DSPP: variants seen among roughly 807,000 people sequenced by gnomAD.
DSPP encodes dentin sialophosphoprotein, also known as deafness, autosomal dominant 39.
A neutral mutation model predicts 29.1 loss-of-function variants in DSPP; 28 were observed. That is an observed-to-expected ratio of 0.96 (90% CI 0.71 to 1.32). The LOEUF (loss-of-function observed/expected upper bound fraction) is 1.32. DSPP is among the 40% of genes most tolerant of loss of function. DSPP has a pLI of 0.00. For synonymous variants in DSPP, 481 were observed against 503.4 expected (o/e 0.96, Z 0.60); for missense variants, 1,281 against 1,629.9 (o/e 0.79, Z 3.69).
chr4:87,609,138 A>C (rs570232068), intron 1 of DSPP, among the ~76,000 whole-genome samples: 26 of 152,302 alleles, frequency 1.7e-4, no homozygotes, highest in African/African-American at 6.3e-4. Context: ...AGCTTCACAA[A>C]TTCTGAAGTC....
In DSPP at chr4:87,610,898, T is replaced by C. The variant is rs749040560; in HGVS notation, c.-11T>C. 1 of 1,609,938 alleles carries C rather than the reference T, an allele frequency of 6.2e-7. No homozygotes were observed. The highest frequency in any genetic ancestry group is 8.5e-7 in the Non-Finnish European group (1 of 1,176,338). On this transcript the variant is annotated 5_prime_UTR_variant, in exon 2 of 5. Coordinates refer to ENST00000651931, the MANE Select transcript of DSPP (RefSeq NM_014208.3). ...TTATACAGCCATTGATTATTATTAT[T>C]CCTAAAGAAAATGAAGATAATTACA... is the stretch of plus-strand genomic sequence containing the variant.
In DSPP at chr4:87,614,223, A is replaced by G. The variant is rs768993715; in HGVS notation, c.1561A>G (p.Thr521Ala). 149 of 1,614,162 alleles carry G rather than the reference A, an allele frequency of 9.2e-5. 1 individual carries two copies. The highest frequency in any genetic ancestry group is 1.3e-4 in the Admixed American group (8 of 60,014). The change falls in exon 5 of 5, where the codon ACT becomes GCT. Residue 521 changes from threonine to alanine, a missense_variant. This residue lies in a region of DSPP where 631 missense variants were observed against 643.2 expected (regional missense o/e 0.98). Transcript: ENST00000651931. ...TGATGACAGTGATAGCACATCAGAC[A>G]CTAATAATAGTGACAGTAATGGCAA... ...EDDDSDSTSD[T>A]NNSDSNGNGN... is the part of the protein sequence containing the mutation.
chr4:87,610,477 C>T (rs72868620), intron 1 of DSPP, among the ~76,000 whole-genome samples: 1,753 of 152,310 alleles, frequency 0.012, 41 homozygotes, highest in African/African-American at 0.041. Flanking sequence ...TCTGGTATAG[C>T]TCAATTCTAT....
rs1727799794 is a variant in DSPP, at chr4:87,614,110, A to G, written c.1448A>G (p.Asn483Ser). The G allele has an allele frequency of 3.7e-6, 6 of 1,614,142 alleles. No individual in the cohort carries two copies. The South Asian group carries it at 4.4e-5, about 12-fold the overall frequency. The change falls in exon 5 of 5, where the codon AAT (asparagine) becomes AGT (serine). Residue 483 changes from asparagine (N) to serine (S), a missense_variant. By Grantham distance (46) the Asn-to-Ser change is conservative (BLOSUM62 1). Transcript: ENST00000651931. ...GNDDANSESD[N>S]NSSSRGDASY... Reference sequence around the variant, plus strand: ...GATGATGCTAATTCAGAAAGTGACAATAACAGCAGTAGCCGAGGAGATGCT... The same window carrying G: ...GATGATGCTAATTCAGAAAGTGACAGTAACAGCAGTAGCCGAGGAGATGCT...
chr4:87,615,665 CAACAGCAGTGATAGCAGTGACAGCAGT>C lies in DSPP; in HGVS notation c.3004_3030del (p.Asn1002_Ser1010del), dbSNP rs1727878076. ...ACAGCAGTGACAGCAGTGATAGCAG[CAACAGCAGTGATAGCAGTGACAGCAGT>C]GACAGCAGTGATAGCAGTAATAGTA... On this transcript the variant is annotated inframe_deletion, in exon 5 of 5. Coordinates refer to ENST00000651931, the MANE Select transcript of DSPP (RefSeq NM_014208.3). 5 of 1,530,420 alleles carry C rather than the reference CAACAGCAGTGATAGCAGTGACAGCAGT, an allele frequency of 3.3e-6. No individual in the cohort carries two copies. The highest frequency in any genetic ancestry group is 2.6e-6 in the Non-Finnish European group (3 of 1,139,006). The allele number at this position is 1,530,420 out of a possible 1,614,324, so 94.8% of individuals were successfully genotyped here.
Position 87,612,648 on chromosome 4 carries a change from T to C in DSPP, c.462T>C (p.Thr154=), listed in dbSNP as rs746034653. ...CTGGAGCCACAAACAGAAGCAACAC[T>C]AATGGAAATACTGATAAGAATACCC... ...DNAGATNRSN[T]NGNTDKNTQN... Residue 154 remains threonine, a synonymous_variant, in exon 4 of 5, where the codon ACT becomes ACC. Coordinates refer to ENST00000651931, the MANE Select transcript of DSPP (RefSeq NM_014208.3). The C allele has an allele frequency of 1.9e-6, 3 of 1,613,794 alleles. No individual in the cohort carries two copies. The highest frequency in any genetic ancestry group is 3.3e-5 in the Admixed American group (2 of 59,984).
rs1485333918 is a variant in DSPP at position 87,616,620 on chromosome 4, T to A, written c.*52T>A. Reference sequence around the variant, plus strand: ...TTTTGTGAAAAGTTTGGTAATGGGATAGGAAAAAAAGATTTCCAAGAAAGT... The same window carrying A: ...TTTTGTGAAAAGTTTGGTAATGGGAAAGGAAAAAAAGATTTCCAAGAAAGT... On this transcript the variant is annotated 3_prime_UTR_variant, in exon 5 of 5. Coordinates refer to ENST00000651931, the MANE Select transcript of DSPP (RefSeq NM_014208.3). 1 of 1,551,406 alleles carries A rather than the reference T, an allele frequency of 6.4e-7. No homozygotes were observed. Among genetic ancestry groups the A allele is most frequent in the African/African-American group, 1.4e-5 (1 of 73,100 alleles).
rs377160811 is a variant in DSPP at position 87,613,338 on chromosome 4, G to A, written c.1122+30G>A. The A allele has an allele frequency of 1.2e-5, 20 of 1,610,950 alleles. No individual in the cohort carries two copies. The African/African-American group carries it at 2.5e-4, about 20-fold the overall frequency. On this transcript the variant is annotated intron_variant, in intron 4 of 4. Transcript: ENST00000651931. ...GTTTGTAAAGCTGATTTCTTTCAAT[G>A]GCAGTTTAAATTCTTCCCCTCCATC...
chr4:87,614,789 T>TAGC lies in DSPP; in HGVS notation c.2129_2130insCAG (p.Ser710dup), dbSNP rs1553904182. On this transcript the variant is annotated inframe_insertion, in exon 5 of 5. Coordinates refer to ENST00000651931, the MANE Select transcript of DSPP (RefSeq NM_014208.3). ...GCAGTGATAGTAGTGACAGCAGTGATAGTGACAGCAGTGATAGTAGTGACA... is the reference window on the plus strand; with the variant it reads ...GCAGTGATAGTAGTGACAGCAGTGATAGCAGTGACAGCAGTGATAGTAGTGACA... 6.5e-7 allele frequency: 1 copy of TAGC among 1,548,702 alleles called. No homozygotes were observed. Among genetic ancestry groups the TAGC allele is most frequent in the Non-Finnish European group, 8.7e-7 (1 of 1,146,156 alleles).
In DSPP at chr4:87,614,701, G is replaced by T. The variant is rs1560478754; in HGVS notation, c.2039G>T (p.Ser680Ile). The change falls in exon 5 of 5, where the codon AGC becomes ATC. Residue 680 changes from serine to isoleucine, a missense_variant. Transcript: ENST00000651931. ...AGTGATAGCAGTGACAGCAGCAGTA[G>T]CAGTGACAGCAGCAACAGCAGTGAT... ...DSSDSSDSSSSSDSSNSSDSS... is the reference protein window; with the variant it reads ...DSSDSSDSSSISDSSNSSDSS... 6.5e-7 allele frequency: 1 copy of T among 1,544,978 alleles called. No homozygotes were observed. The highest frequency in any genetic ancestry group is 2.0e-5 in the Admixed American group (1 of 50,638).
At position 87,612,362 on chromosome 4, in the gene DSPP, T is replaced by C; in HGVS notation, c.176T>C (p.Val59Ala). ...NASGTIKESG[V>A]LVHEGDRGRQ... ...AGTGGAACCATCAAAGAAAGTGGTG[T>C]CCTGGTGCATGAAGGTGATAGAGGA... Residue 59 changes from valine (V) to alanine (A), a missense_variant, in exon 4 of 5, where the codon GTC (valine) becomes GCC (alanine). Around this residue, in one of 4 missense-constraint regions of DSPP, gnomAD observed 631 missense variants for 643.2 expected, o/e 0.98. Transcript: ENST00000651931. The C allele has an allele frequency of 1.2e-6, 2 of 1,614,136 alleles. No homozygotes were observed. The highest frequency in any genetic ancestry group is 2.2e-5 in the East Asian group (1 of 44,874).
In DSPP at chr4:87,612,120, C is replaced by T. The variant is rs1023653041; in HGVS notation, c.67C>T (p.Pro23Ser). ...TACTTGGCAGGTTCCTCAAAGCAAA[C>T]CACTGGAGAGACATGTCGAAAAATC... ...AWAIPVPQSKPLERHVEKSMN... is the reference protein window; with the variant it reads ...AWAIPVPQSKSLERHVEKSMN... The change falls in exon 3 of 5, where the codon CCA becomes TCA. Residue 23 changes from proline (P) to serine (S), a missense_variant. Pro to Ser is a moderately conservative substitution (Grantham distance 74). Transcript: ENST00000651931. The T allele has an allele frequency of 1.2e-6, 2 of 1,613,808 alleles. No individual in the cohort carries two copies. The highest frequency in any genetic ancestry group is 8.5e-7 in the Non-Finnish European group (1 of 1,179,834).
chr4:87,610,015 G>A (rs1727704482), intron 1 of DSPP, among the ~76,000 whole-genome samples: 1 of 152,132 alleles, frequency 6.6e-6, no homozygotes, highest in African/African-American at 2.4e-5. Flanking sequence ...AGATATTGCT[G>A]ATAGTCATAA....
At position 87,612,139 on chromosome 4, in the gene DSPP, A is replaced by G; in HGVS notation, c.86A>G (p.Glu29Gly). Residue 29 changes from glutamate to glycine, a missense_variant, in exon 3 of 5, where the codon GAA becomes GGA. By Grantham distance (98) the Glu-to-Gly change is moderately conservative (BLOSUM62 -2). Transcript: ENST00000651931. ...PQSKPLERHV[E>G]KSMNLHLLAR... is the part of the protein sequence containing the mutation. ...AGCAAACCACTGGAGAGACATGTCG[A>G]AAAATCCATGAATTTGCATCTCCTA... 5 of 1,614,034 alleles carry G rather than the reference A, an allele frequency of 3.1e-6. No individual in the cohort carries two copies. In the East Asian group the frequency reaches 1.1e-4, roughly 36 times the overall value.
Position 87,614,790 on chromosome 4 carries a change from A to G in DSPP, c.2128A>G (p.Ser710Gly), listed in dbSNP as rs1486310810. ...ESSDSSDSSD[S>G]DSSDSSDSSN... ...CAGTGATAGTAGTGACAGCAGTGAT[A>G]GTGACAGCAGTGATAGTAGTGACAG... The change falls in exon 5 of 5, where the codon AGT (serine) becomes GGT (glycine). Residue 710 changes from serine (S) to glycine (G), a missense_variant. This residue lies in a region of DSPP where 444 missense variants were observed against 611.4 expected (regional missense o/e 0.73). Transcript: ENST00000651931. 19 of 1,551,172 alleles carry G rather than the reference A, an allele frequency of 1.2e-5. No homozygotes were observed. Among genetic ancestry groups the G allele is most frequent in the Non-Finnish European group, 1.7e-5 (19 of 1,146,606 alleles).
At position 87,612,455 on chromosome 4, in the gene DSPP, G is replaced by A; in HGVS notation, c.269G>A (p.Gly90Glu). ...GGCTCTAAGTGGGCAGAAGTAGGAG[G>A]GAAGAGTTTTTCTACATATTCCACA... ...GNGSKWAEVGGKSFSTYSTLA... is the reference protein window; with the variant it reads ...GNGSKWAEVGEKSFSTYSTLA... Residue 90 changes from glycine to glutamate, a missense_variant, in exon 4 of 5, where the codon GGG becomes GAG. Gly to Glu is a moderately conservative substitution (Grantham distance 98). Coordinates refer to ENST00000651931, the MANE Select transcript of DSPP (RefSeq NM_014208.3). The A allele has an allele frequency of 6.2e-7, 1 of 1,613,938 alleles. No individual in the cohort carries two copies. Among genetic ancestry groups the A allele is most frequent in the East Asian group, 2.2e-5 (1 of 44,868 alleles).
In DSPP at chr4:87,612,377, G is replaced by A. The variant is rs751181629; in HGVS notation, c.191G>A (p.Gly64Asp). ...GAAAGTGGTGTCCTGGTGCATGAAGGTGATAGAGGAAGGCAAGAGAATACC... is the reference window on the plus strand; with the variant it reads ...GAAAGTGGTGTCCTGGTGCATGAAGATGATAGAGGAAGGCAAGAGAATACC... Reference protein sequence around the residue: ...IKESGVLVHEGDRGRQENTQD... With the variant: ...IKESGVLVHEDDRGRQENTQD... The change falls in exon 4 of 5, where the codon GGT becomes GAT. Residue 64 changes from glycine to aspartate, a missense_variant. Transcript: ENST00000651931. The A allele has an allele frequency of 6.2e-7, 1 of 1,614,104 alleles. No individual in the cohort carries two copies. The highest frequency in any genetic ancestry group is 1.1e-5 in the South Asian group (1 of 91,060).
chr4:87,614,084 T>C lies in DSPP; in HGVS notation c.1422T>C (p.Asn474=). ...DPNSSDESNG[N]DDANSESDNN... ...ATAGCAGTGATGAATCTAATGGCAA[T>C]GATGATGCTAATTCAGAAAGTGACA... Residue 474 remains asparagine (N), a synonymous_variant, in exon 5 of 5, where the codon AAT becomes AAC. Coordinates refer to ENST00000651931, the MANE Select transcript of DSPP (RefSeq NM_014208.3). The C allele has an allele frequency of 6.2e-7, 1 of 1,614,232 alleles. No individual in the cohort carries two copies. The highest frequency in any genetic ancestry group is 8.5e-7 in the Non-Finnish European group (1 of 1,180,040).
chr4:87,610,461 T>C (rs1437688339), intron 1 of DSPP, among the ~76,000 whole-genome samples: 1 of 152,226 alleles, frequency 6.6e-6, no homozygotes, highest in East Asian at 1.9e-4. Context: ...TTTCTTTCTC[T>C]TAAAGTCTGG....
Sources: gnomAD v4.1 joint callset for allele counts (sites outside exome capture counted in the v4.1 genomes callset) on GRCh38, gnomAD v4.1.1 for gene constraint, gnomAD v4.1.1 regional missense constraint, MANE v1.5 for transcripts, NCBI Gene and HGNC (gene_info 2026-07-23, HGNC 2026-07-21) for gene names.